The following SH2D6 variants were observed in gnomAD, a reference collection of about 807,000 sequenced individuals.
SH2D6 encodes the protein SH2 domain-containing protein 6.
Under a neutral mutation model 30.2 loss-of-function variants are expected in SH2D6, and 31 were observed. The observed-to-expected ratio is 1.03, with a 90% CI of 0.77 to 1.38. The LOEUF is 1.38. Among genes scored for constraint, SH2D6 ranks in the 40% most tolerant of loss-of-function variants. The probability of loss-of-function intolerance (pLI) is 0.00; values close to 1 mark genes in which losing one functional copy is unlikely to be tolerated. For synonymous variants in SH2D6, 93 were observed against 104.6 expected (o/e 0.89, Z 0.68); for missense variants, 240 against 266.8 (o/e 0.90, Z 0.70).
intron 5 of SH2D6, among the ~76,000 whole-genome samples, chr2:85,424,586 C>CA (rs1376321916): frequency 6.6e-6 from 1 of 151,834 alleles, no homozygotes; most frequent in Non-Finnish European, 1.5e-5. Flanking sequence ...CTCATGTCTA[C>CA]AAAAAATGTT....
intron 21 of SH2D6, 74 bp downstream of exon 21, chr2:85,435,570 G>A: frequency 6.3e-7 from 1 of 1,590,358 alleles, no homozygotes; most frequent in Non-Finnish European, 8.6e-7. Context: ...GAGCAGTGGG[G>A]AGCAGGAGGG....
Position 85,436,896 on chromosome 2 carries a change from C to T in SH2D6, c.*72C>T. Reference sequence around the variant, plus strand: ...GATGAAGGAACCGTGGTGGCCTAGACCAGTCAGGGGACAGCACAGGCACTG... The same window carrying T: ...GATGAAGGAACCGTGGTGGCCTAGATCAGTCAGGGGACAGCACAGGCACTG... On this transcript the variant is annotated 3_prime_UTR_variant, in exon 24 of 24. Coordinates refer to ENST00000469800, the MANE Select transcript of SH2D6 (RefSeq NM_001394463.1). The T allele has an allele frequency of 3.0e-6, 1 of 338,382 alleles. No homozygotes were observed. Among genetic ancestry groups the T allele is most frequent in the Non-Finnish European group, 5.6e-6 (1 of 178,110 alleles). The allele number at this position is 338,382 out of a possible 1,614,324, so 21.0% of individuals were successfully genotyped here. A position where few individuals can be genotyped will look rare whatever the true frequency, so the allele number is the denominator to read the frequency against.
Position 85,428,898 on chromosome 2 carries a change from C to T in SH2D6, c.-95+201C>T, listed in dbSNP as rs140055098. ...CTTCATTTTCCTACGGCATCTTCAACGCCTGGAACAGCCTCTGGCAGACAG... is the reference window on the plus strand; with the variant it reads ...CTTCATTTTCCTACGGCATCTTCAATGCCTGGAACAGCCTCTGGCAGACAG... On this transcript the variant is annotated intron_variant, in intron 7 of 23. Transcript: ENST00000469800. 1.6e-3 allele frequency among the ~76,000 whole-genome samples: 250 copies of T among 152,304 alleles called. 6 individuals are homozygous for T. In the East Asian group the frequency reaches 0.038, roughly 23 times the overall value.
chr2:85,427,339 G>C (rs536599403), intron 6 of SH2D6, among the ~76,000 whole-genome samples: 3 of 152,364 alleles, frequency 2.0e-5, no homozygotes, highest in African/African-American at 7.2e-5. Flanking sequence ...GCAATTCCAT[G>C]CCAAAGATGG....
intron 7 of SH2D6, among the ~76,000 whole-genome samples, 159 bp downstream of exon 7, chr2:85,428,856 C>T (rs1688289915): frequency 6.6e-6 from 1 of 152,182 alleles, no homozygotes; most frequent in Admixed American, 6.5e-5. Flanking sequence ...TGAGGAAACA[C>T]ACGTAATGCC....
At chr2:85,421,827 A>C (rs1049462501) in intron 2 of SH2D6, 5 of 152,318 alleles carry the variant, frequency 3.3e-5, no homozygotes, top group Admixed American at 1.3e-4. Flanking sequence ...TGTACACTCC[A>C]GATAAGAAGG....
chr2:85,423,031 G>A (rs946102202), intron 5 of SH2D6, among the ~76,000 whole-genome samples: 15 of 151,924 alleles, frequency 9.9e-5, no homozygotes. Flanking sequence ...AGGATTACAG[G>A]CGCGTGCCAC....
intron 17 of SH2D6, 25 bp from the exon 18 acceptor site, chr2:85,434,315 C>G (rs1689130118): frequency 6.5e-7 from 1 of 1,539,690 alleles, no homozygotes; most frequent in African/African-American, 1.4e-5. Context: ...ACCCTGAGTT[C>G]TGTCCCCCGA....
At chr2:85,436,354 G>C in intron 22 of SH2D6, 112 bp from the exon 23 acceptor site, 3 of 760,520 alleles carry the variant, frequency 3.9e-6, no homozygotes, top group Non-Finnish European at 6.7e-6. Flanking sequence ...CAGGAAGGAA[G>C]ATATCTAGAA....
intron 22 of SH2D6, 61 bp from the exon 23 acceptor site, chr2:85,436,405 C>T: frequency 7.7e-7 from 1 of 1,294,708 alleles, no homozygotes; most frequent in Non-Finnish European, 1.1e-6. Context: ...ACAGTTGCCT[C>T]AGGAAATTGC....
At chr2:85,428,130 G>A (rs566436635) in intron 6 of SH2D6, among the ~76,000 whole-genome samples, 22 of 152,112 alleles carry the variant, frequency 1.4e-4, no homozygotes, top group African/African-American at 4.6e-4. Flanking sequence ...TCTTTTTATC[G>A]CCACGCTTCT....
chr2:85,426,950 A>G (rs1688099043), intron 6 of SH2D6, among the ~76,000 whole-genome samples: 1 of 152,126 alleles, frequency 6.6e-6, no homozygotes, highest in Non-Finnish European at 1.5e-5. Flanking sequence ...GGGTTGGAGG[A>G]CACCCCGCTG....
At chr2:85,435,274 GA>G (rs1271232272) in intron 20 of SH2D6, 138 bp from the exon 21 acceptor site, 1 of 1,256,392 alleles carries the variant, frequency 8.0e-7, no homozygotes, top group African/African-American at 1.5e-5. Context: ...CCCAGACAGG[GA>G]CACCACTTTG....
At chr2:85,434,662 T>C in intron 19 of SH2D6, 165 bp downstream of exon 19, 1 of 1,287,690 alleles carries the variant, frequency 7.8e-7, no homozygotes, top group East Asian at 2.5e-5. Flanking sequence ...ATCTTCAGCA[T>C]GAATGCAGGT....
chr2:85,420,201 C>G (rs1227102685), intron 2 of SH2D6, among the ~76,000 whole-genome samples: 1 of 152,122 alleles, frequency 6.6e-6, no homozygotes, highest in Admixed American at 6.6e-5. Context: ...GCCTCCCGGG[C>G]TTAAGCGGTT....
At chr2:85,432,217 T>G (rs1324008737) in intron 14 of SH2D6, among the ~76,000 whole-genome samples, 11 of 118,898 alleles carry the variant, frequency 9.3e-5, no homozygotes, top group Non-Finnish European at 3.9e-5. Context: ...CAGAGTCTGC[T>G]CTTTTTTTTT....
chr2:85,436,605 C>T lies in SH2D6; in HGVS notation c.*12+11C>T. The stretch of plus-strand genomic sequence containing the variant: ...TGAGGCCACAGCGAAGTACACACCG[C>T]CTTTGGCCCCAGTTTGCTTCTTGTC... On this transcript the variant is annotated intron_variant, in intron 23 of 23. Transcript: ENST00000469800. The T allele has an allele frequency of 6.3e-7, 1 of 1,598,738 alleles. No homozygotes were observed.
At chr2:85,434,191 C>T in intron 17 of SH2D6, 80 bp downstream of exon 17, 1 of 1,526,984 alleles carries the variant, frequency 6.5e-7, no homozygotes, top group East Asian at 2.5e-5. Flanking sequence ...CAGGCTTCCC[C>T]AGCCCTGACC....
At chr2:85,419,473 G>T (rs1187214833) in intron 2 of SH2D6, among the ~76,000 whole-genome samples, 2 of 152,182 alleles carry the variant, frequency 1.3e-5, no homozygotes, top group African/African-American at 4.8e-5. Flanking sequence ...CTGTGCTGAG[G>T]CCCTACTTCA....
Sources: gnomAD v4.1 joint callset for allele counts (sites outside exome capture counted in the v4.1 genomes callset) on GRCh38, gnomAD v4.1.1 for gene constraint, MANE v1.5 for transcripts, NCBI Gene and HGNC (gene_info 2026-07-23, HGNC 2026-07-21) for gene names.